UNC13C: variants seen among roughly 807,000 people sequenced by gnomAD.
UNC13C encodes the protein unc-13 homolog C, also known as protein unc-13 homolog C.
UNC13C carries 174 observed loss-of-function variants against 245.4 expected under a neutral mutation model. The ratio of observed to expected loss-of-function variants is 0.71; its 90% CI spans 0.63 to 0.80. The LOEUF is 0.80. UNC13C is among the 30% of genes least tolerant of loss of function. The pLI is 0.00. For missense variants in UNC13C, 2,829 were observed against 2,602.9 expected (o/e 1.09, Z -1.89); for synonymous variants, 992 against 895.1 (o/e 1.11, Z -1.93).
intron 8 of UNC13C, among the ~76,000 whole-genome samples, chr15:54,258,743 T>G (rs2140880568): frequency 6.6e-6 from 1 of 152,266 alleles, no homozygotes; most frequent in Non-Finnish European, 1.5e-5. Flanking sequence ...CCATTACTAT[T>G]ATTAAAGCTA....
chr15:53,933,931 T>A, the UNC13C span, among the ~76,000 whole-genome samples: 1 of 152,114 alleles, frequency 6.6e-6, no homozygotes, highest in East Asian at 1.9e-4. Flanking sequence ...AAGGAAAGAG[T>A]TTTAATTGGC....
At chr15:54,607,981 T>A (rs1356951337) in intron 30 of UNC13C, among the ~76,000 whole-genome samples, 1 of 152,124 alleles carries the variant, frequency 6.6e-6, no homozygotes, top group African/African-American at 2.4e-5. Context: ...TAACTTCTCC[T>A]CAAAAGGAAC....
Position 54,293,924 on chromosome 15 carries a change from A to G in UNC13C, c.3848A>G (p.Lys1283Arg), listed in dbSNP as rs368196615. ...FECHNSTDRI[K>R]VRVWDEDDDI... Reference sequence around the variant, plus strand: ...TGTCATAACTCCACAGATCGAATCAAAGTCAGAGTATGGGATGAAGATGAT... The same window carrying G: ...TGTCATAACTCCACAGATCGAATCAGAGTCAGAGTATGGGATGAAGATGAT... The change falls in exon 11 of 33, where the codon AAA (lysine) becomes AGA (arginine). Residue 1283 changes from lysine (K) to arginine (R), a missense_variant. Coordinates refer to ENST00000260323, the MANE Select transcript of UNC13C (RefSeq NM_001080534.3). The G allele has an allele frequency of 6.3e-6, 10 of 1,584,426 alleles. No individual in the cohort carries two copies. In the African/African-American group the frequency reaches 1.4e-4, roughly 22 times the overall value.
the UNC13C span, among the ~76,000 whole-genome samples, chr15:53,952,922 T>G: frequency 6.6e-6 from 1 of 152,176 alleles, no homozygotes; most frequent in Non-Finnish European, 1.5e-5. Context: ...TTTTTTCCCC[T>G]GAGCGGTTTG....
Position 54,114,618 on chromosome 15 carries a change from A to T in UNC13C, c.2984-28400A>T, listed in dbSNP as rs182978012. Among the ~76,000 whole-genome samples, 773 of 151,612 alleles carry T rather than the reference A, an allele frequency of 5.1e-3. 10 individuals are homozygous for T. The highest frequency in any genetic ancestry group is 0.018 in the African/African-American group (743 of 41,340). On this transcript the variant is annotated intron_variant, in intron 2 of 32. Transcript: ENST00000260323. ...TCAATAGGCATTTATACCACATCAT[A>T]TTTTTTTTTGCTACTGCAAATAATG... is the stretch of plus-strand genomic sequence containing the variant.
intron 4 of UNC13C, among the ~76,000 whole-genome samples, chr15:54,170,904 C>A (rs146837621): frequency 6.6e-6 from 1 of 152,186 alleles, no homozygotes; most frequent in Non-Finnish European, 1.5e-5. Context: ...TGAGAGTCTG[C>A]GCAAGACTCA....
chr15:54,497,105 T>G (rs1230577449), intron 20 of UNC13C, among the ~76,000 whole-genome samples: 2 of 152,134 alleles, frequency 1.3e-5, no homozygotes, highest in African/African-American at 4.8e-5. Context: ...GCCAGATGCT[T>G]CTGCTTCTGG....
intron 2 of UNC13C, among the ~76,000 whole-genome samples, chr15:54,133,864 T>C (rs1446122945): frequency 6.6e-6 from 1 of 152,316 alleles, no homozygotes; most frequent in Non-Finnish European, 1.5e-5. Context: ...CCTTGAATAA[T>C]AGCCAAGATT....
chr15:53,875,105 AAAT>A, the UNC13C span, among the ~76,000 whole-genome samples: 66 of 140,044 alleles, frequency 4.7e-4, no homozygotes, highest in Middle Eastern at 0.016. Flanking sequence ...ATTAAAAAAA[AAAT>A]ATCTTATATG....
downstream of UNC13C, chr15:54,629,788 T>C (rs926674257): frequency 1.3e-5 from 2 of 152,178 alleles, no homozygotes; most frequent in East Asian, 1.9e-4. Flanking sequence ...TTGAGCAAGG[T>C]ATTTTTTCCC....
chr15:54,588,909 C>A (rs1299687201), intron 30 of UNC13C, among the ~76,000 whole-genome samples: 1 of 152,180 alleles, frequency 6.6e-6, no homozygotes, highest in African/African-American at 2.4e-5. Flanking sequence ...GTTGGTTCCA[C>A]AGTTTTGCAA....
At chr15:54,074,086 T>C (rs930811339) in intron 2 of UNC13C, among the ~76,000 whole-genome samples, 6 of 152,108 alleles carry the variant, frequency 3.9e-5, no homozygotes, top group African/African-American at 1.4e-4. Context: ...CGGTTTCAGT[T>C]TTCTGCATAT....
At chr15:54,079,938 G>T (rs559614179) in intron 2 of UNC13C, among the ~76,000 whole-genome samples, 99 of 151,314 alleles carry the variant, frequency 6.5e-4, no homozygotes, top group South Asian at 2.5e-3. Flanking sequence ...ATAATGTTAG[G>T]TGTGGGCTTG....
chr15:53,995,493 C>A (rs1019391516), intron 1 of UNC13C, among the ~76,000 whole-genome samples: 28 of 39,262 alleles, frequency 7.1e-4, no homozygotes, highest in Admixed American at 3.4e-3. Flanking sequence ...AAAGTTTTTT[C>A]AATGTTCAAC....
At position 54,014,941 on chromosome 15, in the gene UNC13C, A is replaced by T. The variant is rs1328349680; in HGVS notation, c.2038A>T (p.Thr680Ser). 2 of 1,613,884 alleles carry T rather than the reference A, an allele frequency of 1.2e-6. No homozygotes were observed. The highest frequency in any genetic ancestry group is 2.2e-5 in the East Asian group (1 of 44,876). ...SSTQEGFDYE[T>S]NSLFDQQLDV... ...CACCCAGGAAGGTTTTGATTATGAA[A>T]CAAACAGTCTTTTTGACCAACAGCT... The change falls in exon 2 of 33, where the codon ACA (threonine) becomes TCA (serine). Residue 680 changes from threonine (T) to serine (S), a missense_variant. By Grantham distance (58) the Thr-to-Ser change is moderately conservative. Transcript: ENST00000260323.
chr15:54,167,602 GAAAAAAAAA>G lies in UNC13C; in HGVS notation c.3071+23932_3071+23940del, dbSNP rs35210236. On this transcript the variant is annotated intron_variant, in intron 4 of 32. Coordinates refer to ENST00000260323, the MANE Select transcript of UNC13C (RefSeq NM_001080534.3). ...AGTGAAAGAATGAGTATCCAAATAGGAAAAAAAAAAAAAAAAAAAAAAGAAACAAAACCA... is the reference window on the plus strand; with the variant it reads ...AGTGAAAGAATGAGTATCCAAATAGGAAAAAAAAAAAAAGAAACAAAACCA... 2.2e-4 allele frequency among the ~76,000 whole-genome samples: 14 copies of G among 63,570 alleles called. No homozygotes were observed. The East Asian group carries it at 2.2e-3, about 10-fold the overall frequency. The allele number at this position is 63,570 out of a possible 152,430, so 41.7% of individuals were successfully genotyped here.
At chr15:54,346,050 T>C (rs1051052594) in intron 17 of UNC13C, among the ~76,000 whole-genome samples, 6 of 152,136 alleles carry the variant, frequency 3.9e-5, no homozygotes, top group African/African-American at 1.4e-4. Flanking sequence ...TCTATTCTCA[T>C]AATACCCTGA....
At chr15:54,596,066 C>G (rs1028648832) in intron 30 of UNC13C, among the ~76,000 whole-genome samples, 1 of 152,010 alleles carries the variant, frequency 6.6e-6, no homozygotes, top group South Asian at 2.1e-4. Context: ...TTTAACGAAG[C>G]TTATTGGTAT....
At chr15:54,413,987 T>G (rs2040467973) in intron 18 of UNC13C, among the ~76,000 whole-genome samples, 1 of 152,218 alleles carries the variant, frequency 6.6e-6, no homozygotes, top group African/African-American at 2.4e-5. Flanking sequence ...GGTCATCATA[T>G]TCATTGGGCT....
Sources: gnomAD v4.1 joint callset for allele counts (sites outside exome capture counted in the v4.1 genomes callset) on GRCh38, gnomAD v4.1.1 for gene constraint, MANE v1.5 for transcripts, NCBI Gene and HGNC (gene_info 2026-07-23, HGNC 2026-07-21) for gene names.